SHROOM4: variants seen among roughly 807,000 people sequenced by gnomAD.
SHROOM4 encodes shroom family member 4.
A neutral mutation model predicts 80.3 loss-of-function variants in SHROOM4; 17 were observed. The ratio of observed to expected loss-of-function variants is 0.21; its 90% CI spans 0.14 to 0.32. SHROOM4 has a LOEUF of 0.32. Ranked by LOEUF, SHROOM4 falls within the 10% of genes least tolerant of loss-of-function variation. SHROOM4 has a pLI of 1.00. For synonymous variants in SHROOM4, 400 were observed against 437.5 expected (o/e 0.91, Z 1.07); for missense variants, 993 against 1,140.3 (o/e 0.87, Z 1.86).
At chrX:50,763,326 T>C (rs1229637288) in intron 1 of SHROOM4, among the ~76,000 whole-genome samples, 1 of 111,736 alleles carries the variant, frequency 8.9e-6, no homozygotes, top group Non-Finnish European at 1.9e-5. Context: ...AACATACTTA[T>C]AATAGTTATT....
chrX:50,644,924 C>T (rs147194070), intron 2 of SHROOM4, among the ~76,000 whole-genome samples: 439 of 112,282 alleles, frequency 3.9e-3, no homozygotes, highest in African/African-American at 0.013. Context: ...ATGTAAAAGG[C>T]ACTCAATAAA....
chrX:50,749,785 C>A (rs1934865678), intron 1 of SHROOM4, among the ~76,000 whole-genome samples: 1 of 111,616 alleles, frequency 9.0e-6, no homozygotes, highest in African/African-American at 3.3e-5. Context: ...GAATCAATTT[C>A]TTCATATTCT....
chrX:50,580,346 C>T, the SHROOM4 span, among the ~76,000 whole-genome samples: 1 of 112,202 alleles, frequency 8.9e-6, no homozygotes, highest in Non-Finnish European at 1.9e-5. Flanking sequence ...CCAGATGATG[C>T]TGCCATTGTT....
At position 50,652,273 on chromosome X, in the gene SHROOM4, T is replaced by C. The variant is rs1401754090; in HGVS notation, c.270-13965A>G. ...TTTCCTGACTTTTTAATGATTGCCATTCTAACTGGAGTGAGATGGTATCTC... is the reference window on the plus strand; with the variant it reads ...TTTCCTGACTTTTTAATGATTGCCACTCTAACTGGAGTGAGATGGTATCTC... On this transcript the variant is annotated intron_variant, in intron 2 of 8. Coordinates refer to ENST00000376020, the MANE Select transcript of SHROOM4 (RefSeq NM_020717.5). Among the ~76,000 whole-genome samples the C allele has an allele frequency of 4.4e-5, 5 of 112,376 alleles. No homozygotes were observed. The South Asian group carries it at 1.5e-3, about 33-fold the overall frequency.
chrX:50,627,245 G>A (rs1277189586), intron 5 of SHROOM4, among the ~76,000 whole-genome samples: 1 of 111,712 alleles, frequency 9.0e-6, no homozygotes, highest in African/African-American at 3.3e-5. Context: ...AATGGTGGAG[G>A]AGGTTCCATT....
chrX:50,804,810 G>C (rs782015434), intron 1 of SHROOM4, among the ~76,000 whole-genome samples: 120 of 111,606 alleles, frequency 1.1e-3, no homozygotes, highest in African/African-American at 3.7e-3. Context: ...ACCACCTTTG[G>C]GTTCAAGAGG....
At chrX:50,727,444 G>A (rs1934266634) in intron 1 of SHROOM4, among the ~76,000 whole-genome samples, 1 of 111,939 alleles carries the variant, frequency 8.9e-6, no homozygotes, top group Non-Finnish European at 1.9e-5. Context: ...GTTTGGCTCT[G>A]TGTCCCACCC....
intron 2 of SHROOM4, among the ~76,000 whole-genome samples, chrX:50,667,633 G>T (rs1557260440): frequency 9.0e-6 from 1 of 111,410 alleles, no homozygotes; most frequent in Non-Finnish European, 1.9e-5. Flanking sequence ...TCTGACAAAG[G>T]ACTAGTATCT....
intron 2 of SHROOM4, among the ~76,000 whole-genome samples, chrX:50,644,114 G>C (rs1251209083): frequency 1.8e-5 from 2 of 112,132 alleles, no homozygotes; most frequent in Non-Finnish European, 3.8e-5. Flanking sequence ...AGATACGAAG[G>C]CTCACAAACA....
At chrX:50,781,544 A>AT (rs1223878775) in intron 1 of SHROOM4, among the ~76,000 whole-genome samples, 1 of 109,364 alleles carries the variant, frequency 9.1e-6, no homozygotes, top group Non-Finnish European at 1.9e-5. Flanking sequence ...AATTAATGCC[A>AT]TTTTTTTTAA....
At chrX:50,705,381 G>A (rs1933641035) in intron 1 of SHROOM4, among the ~76,000 whole-genome samples, 1 of 111,688 alleles carries the variant, frequency 9.0e-6, no homozygotes, top group Non-Finnish European at 1.9e-5. Context: ...AAATGCAGGA[G>A]GAAGTGATAG....
intron 5 of SHROOM4, among the ~76,000 whole-genome samples, chrX:50,623,937 G>C (rs1930690464): frequency 1.0e-5 from 1 of 98,411 alleles, no homozygotes; most frequent in African/African-American, 3.7e-5. Context: ...TGTGCGATTA[G>C]AGTCATATGC....
chrX:50,609,665 A>ATGTGTGTGTGTG (rs3078713), intron 5 of SHROOM4, among the ~76,000 whole-genome samples: 21 of 88,264 alleles, frequency 2.4e-4, no homozygotes, highest in African/African-American at 8.0e-4. Flanking sequence ...AGTCATGGAT[A>ATGTGTGTGTGTG]TGTGTGTGTG....
chrX:50,602,896 A>G, intron 6 of SHROOM4, 83 bp from the exon 7 acceptor site: 1 of 949,997 alleles, frequency 1.1e-6, no homozygotes, highest in Admixed American at 2.4e-5. Context: ...CCATCTGAAA[A>G]ATGGAACCCT....
rs782566196 is a variant in SHROOM4 at position 50,695,793 on chromosome X, C to A, written c.262G>T (p.Val88Phe). Residue 88 changes from valine (V) to phenylalanine (F), a missense_variant, in exon 2 of 9, where the codon GTC (valine) becomes TTC (phenylalanine). Val to Phe is a conservative substitution (Grantham distance 50). Coordinates refer to ENST00000376020, the MANE Select transcript of SHROOM4 (RefSeq NM_020717.5). ...KGSFRILKLI[V>F]RRRNAPVSRP... ...AATCTCCCTGTACCTTACCTCCTGA[C>A]AATCAGCTTGAGAATCCGGAAGGAG... 8.3e-7 allele frequency: 1 copy of A among 1,211,798 alleles called. No individual in the cohort carries two copies. The highest frequency in any genetic ancestry group is 2.3e-4 in the Middle Eastern group (1 of 4,350).
intron 2 of SHROOM4, among the ~76,000 whole-genome samples, chrX:50,650,656 C>T (rs868914409): frequency 9.0e-6 from 1 of 111,716 alleles, no homozygotes; most frequent in African/African-American, 3.3e-5. Flanking sequence ...CCGCAACCAG[C>T]CATAAAAAGA....
chrX:50,678,948 T>C (rs1932890857), intron 2 of SHROOM4, among the ~76,000 whole-genome samples: 1 of 111,832 alleles, frequency 8.9e-6, no homozygotes, highest in African/African-American at 3.2e-5. Context: ...CTGCTCATAA[T>C]GTTTTAATAA....
intron 1 of SHROOM4, among the ~76,000 whole-genome samples, chrX:50,712,959 TTC>T (rs1256303952): frequency 9.0e-6 from 1 of 111,367 alleles, no homozygotes; most frequent in Non-Finnish European, 1.9e-5. Context: ...TGCGTCTGGC[TTC>T]TCTGAGTCCC....
chrX:50,615,425 C>T (rs1459279467), intron 5 of SHROOM4, among the ~76,000 whole-genome samples: 1 of 110,876 alleles, frequency 9.0e-6, no homozygotes, highest in Non-Finnish European at 1.9e-5. Context: ...CCCTGATTCC[C>T]CCAAAGCATG....
Sources: allele counts gnomAD v4.1 joint callset (sites outside exome capture counted in the v4.1 genomes callset), GRCh38; gene constraint gnomAD v4.1.1; transcripts MANE v1.5; gene names NCBI Gene and HGNC (gene_info 2026-07-23, HGNC 2026-07-21).